DGKG: variants seen among roughly 807,000 people sequenced by gnomAD.
The protein encoded by DGKG is diacylglycerol kinase gamma, also known as DAG kinase gamma.
DGKG carries 78 observed loss-of-function variants against 105.3 expected under a neutral mutation model. That is an observed-to-expected ratio of 0.74 (90% CI 0.62 to 0.89). The LOEUF (loss-of-function observed/expected upper bound fraction) is 0.89. DGKG is among the 40% of genes least tolerant of loss of function. DGKG has a pLI of 0.00. For synonymous variants in DGKG, 346 were observed against 367.1 expected, an observed-to-expected ratio of 0.94 and a Z score of 0.66; for missense variants, 958 against 1,020.1, an observed-to-expected ratio of 0.94 and a Z score of 0.83.
At chr3:186,175,540 G>T (rs1284492362) in intron 22 of DGKG, among the ~76,000 whole-genome samples, 1 of 152,200 alleles carries the variant, frequency 6.6e-6, no homozygotes, top group Non-Finnish European at 1.5e-5. Context: ...GAGCTGTGTG[G>T]TGGGGAATGT....
At chr3:186,191,930 A>G (rs1363191245) in intron 21 of DGKG, among the ~76,000 whole-genome samples, 1 of 152,190 alleles carries the variant, frequency 6.6e-6, no homozygotes, top group Non-Finnish European at 1.5e-5. Flanking sequence ...AATGTCTTCT[A>G]CCCTCCTATC....
chr3:186,278,680 T>C (rs953079113), intron 9 of DGKG, among the ~76,000 whole-genome samples: 2 of 152,192 alleles, frequency 1.3e-5, no homozygotes, highest in South Asian at 4.1e-4. Context: ...GCAAGATTCA[T>C]AGTTCTTGAG....
At chr3:186,262,241 T>C (rs2108574499) in intron 14 of DGKG, among the ~76,000 whole-genome samples, 3 of 152,246 alleles carry the variant, frequency 2.0e-5, no homozygotes, top group Middle Eastern at 6.8e-3. Context: ...TGGTCCCACA[T>C]TTCTCACTGG....
chr3:186,289,817 CTTGATCGTAATG>C (rs1723236002), intron 5 of DGKG, among the ~76,000 whole-genome samples: 2 of 152,284 alleles, frequency 1.3e-5, no homozygotes, highest in South Asian at 4.1e-4. Flanking sequence ...GAGAGACAGC[CTTGATCGTAATG>C]TCTGTTGAGG....
intron 22 of DGKG, among the ~76,000 whole-genome samples, chr3:186,171,785 T>C (rs1335773996): frequency 3.9e-5 from 6 of 152,198 alleles, no homozygotes; most frequent in African/African-American, 9.7e-5. Context: ...TGACAGTCAA[T>C]TTCTACCCAG....
At chr3:186,204,915 G>A (rs530056614) in intron 21 of DGKG, among the ~76,000 whole-genome samples, 11 of 152,170 alleles carry the variant, frequency 7.2e-5, no homozygotes, top group South Asian at 4.1e-4. Flanking sequence ...TCTGCTCCTC[G>A]TCACGGATAG....
chr3:186,297,066 TCTCACACACACACACA>T (rs1723610194), intron 5 of DGKG, among the ~76,000 whole-genome samples: 4 of 123,750 alleles, frequency 3.2e-5, no homozygotes, highest in South Asian at 2.7e-4. Flanking sequence ...TGTCTGTCTC[TCTCACACACACACACA>T]CACACACACA....
intron 19 of DGKG, among the ~76,000 whole-genome samples, chr3:186,250,177 T>A (rs1457033136): frequency 1.3e-5 from 2 of 152,202 alleles, no homozygotes; most frequent in African/African-American, 4.8e-5. Context: ...CCTGCAGGAC[T>A]ACTGTGAGGG....
At chr3:186,267,507 A>G (rs1722111607) in intron 13 of DGKG, 178 bp downstream of exon 13, 3 of 572,074 alleles carry the variant, frequency 5.2e-6, no homozygotes, top group Non-Finnish European at 9.5e-6. Flanking sequence ...TGCCTGTGTA[A>G]CAAACCCTCC....
intron 1 of DGKG, among the ~76,000 whole-genome samples, chr3:186,345,608 A>T (rs1167028469): frequency 6.6e-6 from 1 of 152,238 alleles, no homozygotes; most frequent in East Asian, 1.9e-4. Flanking sequence ...GAACCAAGGA[A>T]TTCAGAATAT....
intron 1 of DGKG, among the ~76,000 whole-genome samples, chr3:186,326,983 C>A (rs1166008333): frequency 6.6e-6 from 1 of 152,084 alleles, no homozygotes; most frequent in Non-Finnish European, 1.5e-5. Flanking sequence ...TATGGCAAAA[C>A]CCCGTCTTTA....
intron 11 of DGKG, 61 bp downstream of exon 11, chr3:186,272,194 G>A (rs775391986): frequency 7.5e-7 from 1 of 1,339,210 alleles, no homozygotes; most frequent in Non-Finnish European, 1.1e-6. Context: ...AGGAATCCAT[G>A]TTGATGGACA....
chr3:186,297,054 T>C (rs1408471689), intron 5 of DGKG, among the ~76,000 whole-genome samples: 1 of 114,092 alleles, frequency 8.8e-6, no homozygotes. Flanking sequence ...TCTCTGTCTG[T>C]CTGTCTGTCT....
chr3:186,173,287 T>C (rs1220521065), intron 22 of DGKG, among the ~76,000 whole-genome samples: 1 of 152,232 alleles, frequency 6.6e-6, no homozygotes, highest in African/African-American at 2.4e-5. Flanking sequence ...TAAACCCTAC[T>C]TCACTGTGTT....
At position 186,299,841 on chromosome 3, in the gene DGKG, T is replaced by TTTCTTTCTTTCTTTCCTTC. The variant is rs1446531456; in HGVS notation, c.145-1613_145-1612insGAAGGAAAGAAAGAAAGAA. 1.7e-3 allele frequency among the ~76,000 whole-genome samples: 127 copies of TTTCTTTCTTTCTTTCCTTC among 74,650 alleles called. 7 individuals are homozygous for TTTCTTTCTTTCTTTCCTTC. The highest frequency in any genetic ancestry group is 7.0e-3 in the African/African-American group (119 of 17,080). 49.0% of individuals were successfully genotyped at this position (74,650 alleles called of 152,430 possible). A position where few individuals can be genotyped will look rare whatever the true frequency, so the allele number is the denominator to read the frequency against. ...TCTTTCTTTCTTTCTTTCTTTCTTT[T>TTTCTTTCTTTCTTTCCTTC]TTTTTTTTTTTGAGATAGAGCCTTG... On this transcript the variant is annotated intron_variant, in intron 3 of 24. Transcript: ENST00000265022.
rs1159408407 is a variant in DGKG, at chr3:186,260,423, A to G, written c.1424+16T>C. 1.3e-6 allele frequency: 2 copies of G among 1,587,820 alleles called. No individual in the cohort carries two copies. The highest frequency in any genetic ancestry group is 1.7e-6 in the Non-Finnish European group (2 of 1,156,358). ...GGAGGGGGAGAAATAAGAGGTAAAG[A>G]TTGTGATCTCCATACCCTGGAGTAG... On this transcript the variant is annotated intron_variant, in intron 16 of 24. Coordinates refer to ENST00000265022, the MANE Select transcript of DGKG (RefSeq NM_001346.3).
chr3:186,220,332 T>C (rs910995591), intron 20 of DGKG, among the ~76,000 whole-genome samples: 1 of 152,182 alleles, frequency 6.6e-6, no homozygotes, highest in African/African-American at 2.4e-5. Context: ...ATACCAGGGC[T>C]CCATGGTGGT....
intron 24 of DGKG, among the ~76,000 whole-genome samples, chr3:186,151,740 C>T (rs1715770916): frequency 6.6e-6 from 1 of 152,130 alleles, no homozygotes; most frequent in African/African-American, 2.4e-5. Flanking sequence ...CAGCTGTTGT[C>T]AAGGTGAGCT....
chr3:186,356,649 T>C (rs1400184011), intron 1 of DGKG, among the ~76,000 whole-genome samples: 3 of 152,066 alleles, frequency 2.0e-5, no homozygotes, highest in African/African-American at 4.8e-5. Context: ...ACTTTATTCT[T>C]TAAGAATAAA....
Sources: gnomAD v4.1 joint callset for allele counts (sites outside exome capture counted in the v4.1 genomes callset) on GRCh38, gnomAD v4.1.1 for gene constraint, MANE v1.5 for transcripts, NCBI Gene and HGNC (gene_info 2026-07-23, HGNC 2026-07-21) for gene names.